Variants in KAT6B observed in about 807,000 individuals in gnomAD.
KAT6B encodes the protein histone acetyltransferase KAT6B.
A neutral mutation model predicts 187.5 loss-of-function variants in KAT6B; 10 were observed. That is an observed-to-expected ratio of 0.05 (90% CI 0.03 to 0.09). KAT6B has a LOEUF of 0.09. KAT6B is among the 10% of genes least tolerant of loss of function. The pLI, the probability that KAT6B is intolerant of heterozygous loss-of-function variation, is 1.00. For synonymous variants in KAT6B, 861 were observed against 926.8 expected (o/e 0.93, Z 1.29); for missense variants, 1,952 against 2,558.9 (o/e 0.76, Z 5.12).
chr10:75,025,309 A>T, intron 17 of KAT6B, 60 bp downstream of exon 17: 27 of 1,578,430 alleles, frequency 1.7e-5, no homozygotes, highest in Non-Finnish European at 2.3e-5. Context: ...ACTGGGTGCC[A>T]AAGAGCAGGC....
intron 3 of KAT6B, among the ~76,000 whole-genome samples, chr10:74,942,726 T>G (rs779223960): frequency 2.3e-5 from 3 of 128,208 alleles, no homozygotes; most frequent in African/African-American, 3.2e-5. Context: ...GATCGTGCCA[T>G]TGCACTCCAG....
intron 1 of KAT6B, among the ~76,000 whole-genome samples, chr10:74,830,748 A>ATATATATG (rs989817561): frequency 1.6e-4 from 3 of 19,060 alleles, no homozygotes; most frequent in South Asian, 4.9e-3. Context: ...ATATATATAT[A>ATATATATG]TATATATATA....
chr10:74,835,565 C>A (rs1471079485), intron 1 of KAT6B, among the ~76,000 whole-genome samples: 1 of 152,136 alleles, frequency 6.6e-6, no homozygotes, highest in Admixed American at 6.6e-5. Flanking sequence ...AGTTTGAAAA[C>A]CTCTGGAGAG....
At position 74,936,947 on chromosome 10, in the gene KAT6B, T is replaced by C. The variant is rs183565348; in HGVS notation, c.622-23023T>C. On this transcript the variant is annotated intron_variant, in intron 3 of 17. Coordinates refer to ENST00000287239, the MANE Select transcript of KAT6B (RefSeq NM_012330.4). ...TTTCACTGTTTCATGTTTGTAACTT[T>C]CATTCCTTTTGAAGTGTACATTTAT... Among the ~76,000 whole-genome samples the C allele has an allele frequency of 4.2e-3, 634 of 152,382 alleles. 4 individuals carry two copies. Among genetic ancestry groups the C allele is most frequent in the Middle Eastern group, 0.01 (3 of 294 alleles).
intron 11 of KAT6B, chr10:74,983,861 A>G (rs943689799): frequency 6.6e-6 from 1 of 152,216 alleles, no homozygotes. Context: ...CATTTGGGCA[A>G]CTTTTCTCCT....
chr10:74,908,334 G>A (rs990889356), intron 3 of KAT6B, among the ~76,000 whole-genome samples: 2 of 152,134 alleles, frequency 1.3e-5, no homozygotes, highest in Non-Finnish European at 2.9e-5. Context: ...AGGCCGAGGC[G>A]GGCAGATCAC....
At chr10:74,966,678 C>A (rs1416622821) in intron 4 of KAT6B, among the ~76,000 whole-genome samples, 1 of 152,048 alleles carries the variant, frequency 6.6e-6, no homozygotes, top group Non-Finnish European at 1.5e-5. Context: ...AATAGTAAAA[C>A]AAACTCCAGA....
intron 3 of KAT6B, among the ~76,000 whole-genome samples, chr10:74,860,649 A>G (rs949214252): frequency 6.6e-6 from 1 of 152,196 alleles, no homozygotes. Context: ...AATATATAAA[A>G]CACTGTATTA....
intron 7 of KAT6B, 59 bp downstream of exon 7, chr10:74,972,698 T>G: frequency 6.8e-7 from 1 of 1,468,548 alleles, no homozygotes; most frequent in Non-Finnish European, 9.5e-7. Context: ...TATAGGTGAT[T>G]GTTATTCTCT....
chr10:74,909,175 A>G (rs894148842), intron 3 of KAT6B, among the ~76,000 whole-genome samples: 11 of 152,236 alleles, frequency 7.2e-5, no homozygotes, highest in African/African-American at 2.7e-4. Context: ...GTTCGAGACT[A>G]GCCTTGCCAC....
intron 15 of KAT6B, among the ~76,000 whole-genome samples, 187 bp downstream of exon 15, chr10:75,021,472 G>A (rs569946072): frequency 6.6e-6 from 1 of 152,270 alleles, no homozygotes; most frequent in East Asian, 1.9e-4. Flanking sequence ...AATTGAGTAT[G>A]AAAAATGAAA....
rs1846341382 is a variant in KAT6B at position 75,031,895 on chromosome 10, AT to A, written c.*852del. ...GGCAGGATTTAAAAAAAAATAGTGA[AT>A]TTGGTGTAAAGTTGCTATTTTATGG... On this transcript the variant is annotated 3_prime_UTR_variant, in exon 18 of 18. Transcript: ENST00000287239. 1 of 196,718 alleles carries A rather than the reference AT, an allele frequency of 5.1e-6. No homozygotes were observed. Among genetic ancestry groups the A allele is most frequent in the Non-Finnish European group, 1.1e-5 (1 of 94,862 alleles). 12.2% of individuals were successfully genotyped at this position (196,718 alleles called of 1,614,324 possible). A position where few individuals can be genotyped will look rare whatever the true frequency, so the allele number is the denominator to read the frequency against.
chr10:74,865,619 G>C (rs1453509676), intron 3 of KAT6B, among the ~76,000 whole-genome samples: 1 of 151,618 alleles, frequency 6.6e-6, no homozygotes. Context: ...AGGCTCAAGC[G>C]ATTCTCCTGG....
At chr10:74,984,877 T>G in intron 11 of KAT6B, 1 of 590,660 alleles carries the variant, frequency 1.7e-6, no homozygotes, top group Non-Finnish European at 3.0e-6. Context: ...TGTACCCTAA[T>G]TTAAGAGAAA....
At chr10:74,847,255 G>C (rs147923200) in intron 3 of KAT6B, among the ~76,000 whole-genome samples, 43 of 152,310 alleles carry the variant, frequency 2.8e-4, no homozygotes, top group African/African-American at 1.0e-3. Context: ...ATTTTTACTT[G>C]ATGAAATTTG....
chr10:74,850,870 A>C (rs565375498), intron 3 of KAT6B, among the ~76,000 whole-genome samples: 1 of 152,332 alleles, frequency 6.6e-6, no homozygotes, highest in Admixed American at 6.5e-5. Flanking sequence ...TTTAGTGAGA[A>C]TGTCTTCATA....
In KAT6B at chr10:75,030,658, G is replaced by C; in HGVS notation, c.5834G>C (p.Gly1945Ala). The C allele has an allele frequency of 6.2e-7, 1 of 1,614,184 alleles. No individual in the cohort carries two copies. The highest frequency in any genetic ancestry group is 8.5e-7 in the Non-Finnish European group (1 of 1,180,022). Residue 1945 changes from glycine (G) to alanine (A), a missense_variant, in exon 18 of 18, where the codon GGG becomes GCG. Coordinates refer to ENST00000287239, the MANE Select transcript of KAT6B (RefSeq NM_012330.4). The surrounding 1 kb of genome is among the most constrained non-coding windows in gnomAD (Gnocchi z 4.8). ...GCCACCCATCAGTCACAAATCTATGGGCGCTCCCAGACTGTAGCCATGCAG... is the reference window on the plus strand; with the variant it reads ...GCCACCCATCAGTCACAAATCTATGCGCGCTCCCAGACTGTAGCCATGCAG... ...AAATHQSQIYGRSQTVAMQGP... is the reference protein window; with the variant it reads ...AAATHQSQIYARSQTVAMQGP...
intron 3 of KAT6B, among the ~76,000 whole-genome samples, chr10:74,906,228 C>T (rs896767171): frequency 5.3e-5 from 8 of 151,996 alleles, no homozygotes; most frequent in East Asian, 1.9e-4. Context: ...GGTAAAACCC[C>T]GTCTCCACTA....
chr10:74,864,199 G>C, intron 3 of KAT6B, among the ~76,000 whole-genome samples: 1 of 151,426 alleles, frequency 6.6e-6, no homozygotes, highest in East Asian at 1.9e-4. Flanking sequence ...CTCCAAAGTA[G>C]CTAGGACTAC....
Sources: allele counts gnomAD v4.1 joint callset (sites outside exome capture counted in the v4.1 genomes callset), GRCh38; gene constraint gnomAD v4.1.1; non-coding constraint Gnocchi (gnomAD v3.1); transcripts MANE v1.5; gene names NCBI Gene and HGNC (gene_info 2026-07-23, HGNC 2026-07-21).